The following SLC12A8 variants were observed in gnomAD, a reference collection of about 807,000 sequenced individuals.
SLC12A8 encodes the protein solute carrier family 12 member 8.
A neutral mutation model predicts 75.6 loss-of-function variants in SLC12A8; 69 were observed. That is an observed-to-expected ratio of 0.91 (90% CI 0.75 to 1.11). The LOEUF (loss-of-function observed/expected upper bound fraction) is 1.11, where lower values mean the gene tolerates loss of function less well. SLC12A8 is among the 50% of genes most tolerant of loss of function. The pLI, the probability that SLC12A8 is intolerant of heterozygous loss-of-function variation, is 0.00. For missense variants in SLC12A8, 877 were observed against 896.7 expected (o/e 0.98, Z 0.28); for synonymous variants, 365 against 372.8 (o/e 0.98, Z 0.24).
At chr3:125,102,412 C>T (rs1230776266) in intron 10 of SLC12A8, among the ~76,000 whole-genome samples, 5 of 152,164 alleles carry the variant, frequency 3.3e-5, no homozygotes, top group Admixed American at 6.5e-5. Context: ...AACCTTGCAT[C>T]GTACACCCTA....
intron 7 of SLC12A8, chr3:125,119,745 C>T: frequency 2.4e-6 from 1 of 410,676 alleles, no homozygotes; most frequent in Non-Finnish European, 5.0e-6. Flanking sequence ...AGAACAAATT[C>T]AGTGTTTGTG....
intron 4 of SLC12A8, among the ~76,000 whole-genome samples, chr3:125,180,511 G>A (rs936515380): frequency 2.6e-5 from 4 of 152,046 alleles, no homozygotes; most frequent in Non-Finnish European, 4.4e-5. Context: ...TGGGCAACAT[G>A]GTGAAACTCC....
At chr3:125,177,239 A>G (rs924402726) in intron 5 of SLC12A8, among the ~76,000 whole-genome samples, 1 of 149,014 alleles carries the variant, frequency 6.7e-6, no homozygotes, top group Admixed American at 6.7e-5. Context: ...AAAACCAAAC[A>G]CCGCATGTTC....
chr3:125,150,599 T>TAA (rs1416309079), intron 5 of SLC12A8, among the ~76,000 whole-genome samples: 22 of 152,162 alleles, frequency 1.4e-4, no homozygotes, highest in Non-Finnish European at 3.1e-4. Context: ...ACAGGAAATC[T>TAA]CCAAACCAAA....
At chr3:125,172,341 C>CCTGT (rs1298253243) in intron 5 of SLC12A8, among the ~76,000 whole-genome samples, 1 of 151,572 alleles carries the variant, frequency 6.6e-6, no homozygotes, top group African/African-American at 2.4e-5. Context: ...TCTCTCTCTC[C>CCTGT]CTGTCTGTCT....
chr3:125,155,548 G>T (rs1161317990), intron 5 of SLC12A8, among the ~76,000 whole-genome samples: 4 of 151,036 alleles, frequency 2.6e-5, no homozygotes, highest in Non-Finnish European at 5.9e-5. Context: ...GAGGCGGGTG[G>T]ATCACAAGGT....
rs772403941 is a variant in SLC12A8, at chr3:125,107,487, C to A, written c.1699G>T (p.Gly567Ter). ...PELCNQSESS[G>*]EDFFLKSRLQ... The stretch of plus-strand genomic sequence containing the variant: ...GTGATACCAGAGCACTCACCTTCTC[C>A]ACTGGACTCTGATTGGTTGCACAGC... Residue 567 changes from glycine (G) to a stop codon, truncating the protein, a stop_gained, in exon 10 of 14, where the codon GGA becomes TGA. Coordinates refer to ENST00000469902, the MANE Select transcript of SLC12A8 (RefSeq NM_024628.6). LOFTEE classifies it high-confidence loss of function. The A allele has an allele frequency of 6.2e-7, 1 of 1,605,322 alleles. No homozygotes were observed. Among genetic ancestry groups the A allele is most frequent in the South Asian group, 1.1e-5 (1 of 90,654 alleles).
chr3:125,182,615 T>A (rs1934689565), intron 4 of SLC12A8, among the ~76,000 whole-genome samples: 1 of 151,972 alleles, frequency 6.6e-6, no homozygotes, highest in South Asian at 2.1e-4. Flanking sequence ...CAAGTGATTC[T>A]CCTGCCTCAG....
chr3:125,103,233 C>T (rs1938929025), intron 10 of SLC12A8, among the ~76,000 whole-genome samples: 1 of 151,990 alleles, frequency 6.6e-6, no homozygotes, highest in Non-Finnish European at 1.5e-5. Context: ...TCATCCTGTT[C>T]CCAGAATGCC....
intron 6 of SLC12A8, among the ~76,000 whole-genome samples, chr3:125,135,383 G>C (rs771344506): frequency 2.6e-5 from 4 of 152,172 alleles, no homozygotes; most frequent in Non-Finnish European, 5.9e-5. Context: ...AAGGAGTGAG[G>C]AGGATTAAAT....
chr3:125,145,688 A>T (rs984259254), intron 5 of SLC12A8, among the ~76,000 whole-genome samples: 1 of 152,242 alleles, frequency 6.6e-6, no homozygotes, highest in Non-Finnish European at 1.5e-5. Context: ...CTATATATAC[A>T]TACCTGTGAT....
At chr3:125,140,990 G>A (rs568476918) in intron 5 of SLC12A8, among the ~76,000 whole-genome samples, 12 of 152,242 alleles carry the variant, frequency 7.9e-5, no homozygotes, top group African/African-American at 2.6e-4. Flanking sequence ...TGTGGTCTGG[G>A]GTCCTGTCAT....
chr3:125,176,667 T>C (rs1157251159), intron 5 of SLC12A8, among the ~76,000 whole-genome samples: 1 of 151,826 alleles, frequency 6.6e-6, no homozygotes, highest in Non-Finnish European at 1.5e-5. Flanking sequence ...GGGCAAAGGA[T>C]ATGAACAGAC....
At chr3:125,097,513 T>C (rs1421340595) in intron 10 of SLC12A8, among the ~76,000 whole-genome samples, 1 of 151,102 alleles carries the variant, frequency 6.6e-6, no homozygotes, top group African/African-American at 2.4e-5. Context: ...TCAATTTTAC[T>C]GAACCTAAAG....
rs1330189085 is a variant in SLC12A8, at chr3:125,138,342, A to G, written c.623-2560T>C. On this transcript the variant is annotated intron_variant, in intron 5 of 13. Transcript: ENST00000469902. ...CTTGAACCCAGGAGGCAGAGGTTGC[A>G]GTGAGCCAAGATTGCACCACTGCAG... 3.3e-5 allele frequency among the ~76,000 whole-genome samples: 5 copies of G among 152,334 alleles called. No homozygotes were observed. The East Asian group carries it at 7.7e-4, about 24-fold the overall frequency.
At chr3:125,130,367 G>A (rs1483244564) in intron 6 of SLC12A8, among the ~76,000 whole-genome samples, 1 of 151,854 alleles carries the variant, frequency 6.6e-6, no homozygotes, top group Non-Finnish European at 1.5e-5. Context: ...CGAGGCGGGT[G>A]GATCACTTGA....
rs745976435 is a variant in SLC12A8, at chr3:125,110,289, G to C, written c.959C>G (p.Ser320Cys). ...FLFLLGLYISSLASCMGGLYG... is the reference protein window; with the variant it reads ...FLFLLGLYISCLASCMGGLYG... ...AAGTCCTCCCATGCAGGAAGCCAGG[G>C]ACGAGATGTATAAGCCCAAAAGGAA... The change falls in exon 9 of 14, where the codon TCC becomes TGC. Residue 320 changes from serine to cysteine, a missense_variant. Ser to Cys is a moderately radical substitution (Grantham distance 112). Coordinates refer to ENST00000469902, the MANE Select transcript of SLC12A8 (RefSeq NM_024628.6). 6.2e-7 allele frequency: 1 copy of C among 1,614,010 alleles called. No homozygotes were observed. The highest frequency in any genetic ancestry group is 8.5e-7 in the Non-Finnish European group (1 of 1,179,916).
chr3:125,167,950 C>T (rs1934326893), intron 5 of SLC12A8, among the ~76,000 whole-genome samples: 1 of 152,144 alleles, frequency 6.6e-6, no homozygotes, highest in Admixed American at 6.5e-5. Flanking sequence ...GGGTTTTGTC[C>T]AATAGCAATA....
chr3:125,164,244 C>G (rs1375626008), intron 5 of SLC12A8, among the ~76,000 whole-genome samples: 9 of 152,204 alleles, frequency 5.9e-5, no homozygotes, highest in African/African-American at 1.9e-4. Flanking sequence ...GGGAATCACG[C>G]TTTGGAGTCA....
Sources: allele counts gnomAD v4.1 joint callset (sites outside exome capture counted in the v4.1 genomes callset), GRCh38; gene constraint gnomAD v4.1.1; transcripts MANE v1.5; gene names NCBI Gene and HGNC (gene_info 2026-07-23, HGNC 2026-07-21).